Variants in HS6ST3 observed in about 807,000 individuals in gnomAD.
The protein encoded by HS6ST3 is heparan sulfate 6-O-sulfotransferase 3.
A neutral mutation model predicts 36.7 loss-of-function variants in HS6ST3; 12 were observed. The observed-to-expected ratio is 0.33, with a 90% CI of 0.21 to 0.53. The LOEUF (loss-of-function observed/expected upper bound fraction) is 0.53. Ranked by LOEUF, HS6ST3 falls within the 20% of genes least tolerant of loss-of-function variation. The probability of loss-of-function intolerance (pLI) is 0.95; values close to 1 mark genes in which losing one functional copy is unlikely to be tolerated. For missense variants in HS6ST3, 584 were observed against 640.9 expected (o/e 0.91, Z 0.96); for synonymous variants, 240 against 257.5 (o/e 0.93, Z 0.65).
At chr13:96,701,094 A>G (rs139603250) in intron 1 of HS6ST3, among the ~76,000 whole-genome samples, 196 of 152,082 alleles carry the variant, frequency 1.3e-3, no homozygotes, top group African/African-American at 4.2e-3. Context: ...ATTTTGGGAG[A>G]AAAAAACACG....
chr13:96,815,777 C>T (rs1878407934), intron 1 of HS6ST3, among the ~76,000 whole-genome samples: 1 of 152,172 alleles, frequency 6.6e-6, no homozygotes, highest in Non-Finnish European at 1.5e-5. Context: ...GGAATTCCTT[C>T]TCTTTATAAC....
chr13:96,697,083 G>A (rs1344702317), intron 1 of HS6ST3, among the ~76,000 whole-genome samples: 3 of 151,640 alleles, frequency 2.0e-5, no homozygotes, highest in Admixed American at 2.0e-4. Context: ...GATTTGAGAA[G>A]ATAATACATT....
At chr13:96,546,045 G>A (rs181550747) in intron 1 of HS6ST3, among the ~76,000 whole-genome samples, 1 of 152,226 alleles carries the variant, frequency 6.6e-6, no homozygotes, top group East Asian at 1.9e-4. Flanking sequence ...GAAATGGAAT[G>A]GCCTTACAGT....
intron 1 of HS6ST3, among the ~76,000 whole-genome samples, chr13:96,271,936 G>T (rs2054722359): frequency 6.6e-6 from 1 of 151,844 alleles, no homozygotes; most frequent in East Asian, 1.9e-4. Context: ...GCTACCAAAG[G>T]GATGATAGAC....
chr13:96,447,464 G>A (rs2055704625), intron 1 of HS6ST3, among the ~76,000 whole-genome samples: 1 of 152,160 alleles, frequency 6.6e-6, no homozygotes, highest in South Asian at 2.1e-4. Context: ...TTCTTTTAAA[G>A]CAGCTCCAGA....
At position 96,831,964 on chromosome 13, in the gene HS6ST3, A is replaced by AC. The variant is rs1878799065; in HGVS notation, c.708-526_708-525insC. Among the ~76,000 whole-genome samples, 2 of 145,606 alleles carry AC rather than the reference A, an allele frequency of 1.4e-5. 1 individual carries two copies. The highest frequency in any genetic ancestry group is 3.0e-5 in the Non-Finnish European group (2 of 66,412). ...AGCAAGACTCCCTCTCAAAAAAAAA[A>AC]AAAAAAAAAAAAAAAACAGAGATTA... On this transcript the variant is annotated intron_variant, in intron 1 of 1. Coordinates refer to ENST00000376705, the MANE Select transcript of HS6ST3 (RefSeq NM_153456.4).
At chr13:96,590,405 A>G (rs1039688012) in intron 1 of HS6ST3, among the ~76,000 whole-genome samples, 1 of 151,914 alleles carries the variant, frequency 6.6e-6, no homozygotes, top group Non-Finnish European at 1.5e-5. Context: ...ATGACATTTC[A>G]TTGTAGTTTT....
chr13:96,233,816 T>C (rs1566296281), intron 1 of HS6ST3, among the ~76,000 whole-genome samples: 1 of 152,068 alleles, frequency 6.6e-6, no homozygotes, highest in Non-Finnish European at 1.5e-5. Context: ...AGTCTGTCAA[T>C]AGGAAATAAA....
intron 1 of HS6ST3, among the ~76,000 whole-genome samples, chr13:96,381,647 C>A (rs1438046418): frequency 1.3e-5 from 2 of 152,158 alleles, no homozygotes; most frequent in Non-Finnish European, 2.9e-5. Context: ...TCACTAAGTG[C>A]TCACTGTCAT....
chr13:96,142,033 C>CAAA (rs3084964), intron 1 of HS6ST3, among the ~76,000 whole-genome samples: 7 of 101,114 alleles, frequency 6.9e-5, no homozygotes, highest in East Asian at 2.9e-4. Context: ...GTGGTCATGG[C>CAAA]AAAAAAAAAA....
Position 96,330,312 on chromosome 13 carries a change from G to A in HS6ST3, c.707+238743G>A, listed in dbSNP as rs145321640. Among the ~76,000 whole-genome samples the A allele has an allele frequency of 3.6e-3, 551 of 152,044 alleles. 4 individuals carry two copies. The highest frequency in any genetic ancestry group is 0.013 in the African/African-American group (522 of 41,466). On this transcript the variant is annotated intron_variant, in intron 1 of 1. Coordinates refer to ENST00000376705, the MANE Select transcript of HS6ST3 (RefSeq NM_153456.4). ...TTACATTTTGGCATGAGTTTGCAGC[G>A]GCCGGTACCGGTTGTTCCTTTCCAT...
At chr13:96,125,798 A>G (rs1179173818) in intron 1 of HS6ST3, among the ~76,000 whole-genome samples, 2 of 150,388 alleles carry the variant, frequency 1.3e-5, no homozygotes, top group African/African-American at 4.9e-5. Context: ...TTATTATTAT[A>G]CTTTAAGTTT....
chr13:96,281,520 A>G (rs1035883910), intron 1 of HS6ST3, among the ~76,000 whole-genome samples: 1 of 152,178 alleles, frequency 6.6e-6, no homozygotes, highest in Non-Finnish European at 1.5e-5. Flanking sequence ...CTAGCACTAC[A>G]ATAGAATATT....
chr13:96,737,852 C>T (rs1253216140), intron 1 of HS6ST3, among the ~76,000 whole-genome samples: 1 of 152,086 alleles, frequency 6.6e-6, no homozygotes, highest in Non-Finnish European at 1.5e-5. Context: ...TGACCCCCCT[C>T]CCATCTTCAA....
intron 1 of HS6ST3, among the ~76,000 whole-genome samples, chr13:96,699,666 A>G (rs530326566): frequency 3.9e-5 from 6 of 152,232 alleles, no homozygotes; most frequent in Non-Finnish European, 8.8e-5. Flanking sequence ...TAGTTCAACC[A>G]TTGTGGAAGT....
At chr13:96,580,317 A>G (rs2138968355) in intron 1 of HS6ST3, among the ~76,000 whole-genome samples, 1 of 150,600 alleles carries the variant, frequency 6.6e-6, no homozygotes, top group East Asian at 2.0e-4. Context: ...TAACATTATC[A>G]TTTTCACCTT....
intron 1 of HS6ST3, among the ~76,000 whole-genome samples, chr13:96,316,187 C>T (rs2054968313): frequency 6.6e-6 from 1 of 151,812 alleles, no homozygotes; most frequent in Non-Finnish European, 1.5e-5. Flanking sequence ...TATACACATA[C>T]ACATATATGC....
chr13:96,804,327 C>G (rs941375973), intron 1 of HS6ST3, among the ~76,000 whole-genome samples: 104 of 152,158 alleles, frequency 6.8e-4, no homozygotes, highest in African/African-American at 2.4e-3. Flanking sequence ...TACGTGGCTT[C>G]TGAGGCCATG....
intron 1 of HS6ST3, among the ~76,000 whole-genome samples, chr13:96,438,528 G>A (rs1459844116): frequency 6.6e-6 from 1 of 152,148 alleles, no homozygotes; most frequent in Non-Finnish European, 1.5e-5. Flanking sequence ...TTGATCCACT[G>A]TAGCTCATCA....
Sources: allele counts gnomAD v4.1 joint callset (sites outside exome capture counted in the v4.1 genomes callset), GRCh38; gene constraint gnomAD v4.1.1; transcripts MANE v1.5; gene names NCBI Gene and HGNC (gene_info 2026-07-23, HGNC 2026-07-21).